SV2C: variants seen among roughly 807,000 people sequenced by gnomAD.
SV2C encodes synaptic vesicle glycoprotein 2C, also known as solute carrier family 22 member B3.
SV2C carries 49 observed loss-of-function variants against 79.7 expected under a neutral mutation model. The ratio of observed to expected loss-of-function variants is 0.61; its 90% CI spans 0.49 to 0.78. SV2C has a LOEUF of 0.78. Ranked by LOEUF, SV2C falls within the 30% of genes least tolerant of loss-of-function variation. The pLI is 0.00. For synonymous variants in SV2C, 334 were observed against 333.2 expected, an observed-to-expected ratio of 1.00 and a Z score of -0.03; for missense variants, 833 against 912.9, an observed-to-expected ratio of 0.91 and a Z score of 1.13.
chr5:76,070,055 C>T, the SV2C span, among the ~76,000 whole-genome samples: 8 of 152,248 alleles, frequency 5.3e-5, no homozygotes, highest in South Asian at 1.7e-3. Context: ...TCATCTTCCA[C>T]AGTCTGCAGC....
chr5:76,221,406 T>C (rs1249471488), intron 4 of SV2C, among the ~76,000 whole-genome samples: 1 of 152,190 alleles, frequency 6.6e-6, no homozygotes, highest in Non-Finnish European at 1.5e-5. Flanking sequence ...AAGGGGCTTT[T>C]AATATTGTTA....
chr5:76,175,920 G>C (rs868742355), intron 2 of SV2C, among the ~76,000 whole-genome samples: 3 of 152,246 alleles, frequency 2.0e-5, no homozygotes, highest in Middle Eastern at 3.4e-3. Context: ...TCTCCGCATG[G>C]GGATGGGTCA....
At chr5:76,051,551 CTA>C in the SV2C span, among the ~76,000 whole-genome samples, 1 of 152,094 alleles carries the variant, frequency 6.6e-6, no homozygotes, top group Non-Finnish European at 1.5e-5. Flanking sequence ...TTAAATACAA[CTA>C]TGAAAAATAA....
rs1744010267 is a variant in SV2C at position 76,188,939 on chromosome 5, AAGC to A, written c.581-5979_581-5977del. Among the ~76,000 whole-genome samples, 3 of 151,742 alleles carry A rather than the reference AAGC, an allele frequency of 2.0e-5. No homozygotes were observed. In the South Asian group the frequency reaches 6.3e-4, roughly 32 times the overall value. On this transcript the variant is annotated intron_variant, in intron 2 of 12. Transcript: ENST00000502798. ...AGGGACAACAGGGCAGCAGCTGTGAAAGCTTACACCTCAGTGATTAGGTGGGGA... is the reference window on the plus strand; with the variant it reads ...AGGGACAACAGGGCAGCAGCTGTGAATTACACCTCAGTGATTAGGTGGGGA...
In SV2C at chr5:76,205,379, G is replaced by A. The variant is rs1461430530; in HGVS notation, c.762-4357G>A. 2.0e-5 allele frequency among the ~76,000 whole-genome samples: 3 copies of A among 151,998 alleles called. No homozygotes were observed. The East Asian group carries it at 5.8e-4, about 29-fold the overall frequency. On this transcript the variant is annotated intron_variant, in intron 3 of 12. Coordinates refer to ENST00000502798, the MANE Select transcript of SV2C (RefSeq NM_014979.4). ...TCATTTGTATAAATTAAGTTATTTT[G>A]AATCTGGCTAATCTCACACCTACGT...
chr5:75,928,456 C>T, the SV2C span, among the ~76,000 whole-genome samples: 1 of 152,154 alleles, frequency 6.6e-6, no homozygotes, highest in Non-Finnish European at 1.5e-5. Flanking sequence ...TCATGGTAAA[C>T]ACATGTAGGT....
chr5:76,279,973 A>G (rs76092041), intron 4 of SV2C, among the ~76,000 whole-genome samples: 1 of 152,132 alleles, frequency 6.6e-6, no homozygotes. Context: ...GTTGTAATCA[A>G]AGAGAAGACA....
At chr5:76,241,768 G>A (rs1244953108) in intron 4 of SV2C, among the ~76,000 whole-genome samples, 1 of 152,162 alleles carries the variant, frequency 6.6e-6, no homozygotes, top group Non-Finnish European at 1.5e-5. Context: ...CCTCCTGGAA[G>A]CCAAGAGGAA....
chr5:75,900,890 T>C, the SV2C span, among the ~76,000 whole-genome samples: 1 of 152,262 alleles, frequency 6.6e-6, no homozygotes, highest in African/African-American at 2.4e-5. Context: ...CTCCCGAGGC[T>C]TCTGCATTCT....
chr5:76,203,003 A>G (rs1442867798), intron 3 of SV2C, among the ~76,000 whole-genome samples: 1 of 152,226 alleles, frequency 6.6e-6, no homozygotes, highest in African/African-American at 2.4e-5. Flanking sequence ...TACGTGGCTC[A>G]CATTTTCTAT....
the SV2C span, among the ~76,000 whole-genome samples, chr5:75,937,718 AAAAAC>A: frequency 2.0e-4 from 31 of 152,190 alleles, no homozygotes; most frequent in Middle Eastern, 3.4e-3. Flanking sequence ...AAAGAAACAA[AAAAAC>A]AAAACAAAAC....
At chr5:76,036,384 G>C in the SV2C span, among the ~76,000 whole-genome samples, 1 of 152,066 alleles carries the variant, frequency 6.6e-6, no homozygotes, top group African/African-American at 2.4e-5. Flanking sequence ...AGCTGGTACT[G>C]GTTTTTCCCT....
chr5:76,237,978 A>T (rs35492009), intron 4 of SV2C, among the ~76,000 whole-genome samples: 17,834 of 150,340 alleles, frequency 0.12, 3,087 homozygotes, highest in African/African-American at 0.38. Flanking sequence ...TAACACACAC[A>T]CACACACACA....
At chr5:76,238,891 G>C (rs1474239548) in intron 4 of SV2C, among the ~76,000 whole-genome samples, 1 of 152,134 alleles carries the variant, frequency 6.6e-6, no homozygotes, top group Non-Finnish European at 1.5e-5. Flanking sequence ...ATTTACCCAA[G>C]TCCAGACTAT....
chr5:76,339,510 C>G (rs1049009232), intron 12 of SV2C, among the ~76,000 whole-genome samples: 15 of 152,088 alleles, frequency 9.9e-5, no homozygotes, highest in Non-Finnish European at 1.8e-4. Flanking sequence ...GTCAGGAGAT[C>G]GAGACCATCC....
the SV2C span, among the ~76,000 whole-genome samples, chr5:75,859,515 T>G: frequency 6.6e-6 from 1 of 152,182 alleles, no homozygotes; most frequent in South Asian, 2.1e-4. Context: ...ACTATCTCTC[T>G]TTGTTAATGT....
chr5:76,250,194 G>A lies in SV2C; in HGVS notation c.914-34968G>A, dbSNP rs6862659. ...GTCATTCTGGCTGTTCTTTTATTGC[G>A]CGTCCTGCTTTTTTTAAAATATGAT... On this transcript the variant is annotated intron_variant, in intron 4 of 12. Coordinates refer to ENST00000502798, the MANE Select transcript of SV2C (RefSeq NM_014979.4). 3.2e-3 allele frequency among the ~76,000 whole-genome samples: 445 copies of A among 139,770 alleles called. 4 individuals carry two copies. The highest frequency in any genetic ancestry group is 0.01 in the African/African-American group (416 of 40,142). 91.7% of individuals were successfully genotyped at this position (139,770 alleles called of 152,430 possible). A position where few individuals can be genotyped will look rare whatever the true frequency, so the allele number is the denominator to read the frequency against.
intron 2 of SV2C, among the ~76,000 whole-genome samples, chr5:76,170,704 G>C (rs1426101277): frequency 6.7e-6 from 1 of 149,944 alleles, no homozygotes; most frequent in Non-Finnish European, 1.5e-5. Flanking sequence ...ACATTATACT[G>C]AAAGGACTAT....
At chr5:75,860,962 A>G in the SV2C span, among the ~76,000 whole-genome samples, 2 of 152,190 alleles carry the variant, frequency 1.3e-5, no homozygotes, top group African/African-American at 4.8e-5. Flanking sequence ...TTTAAATGTA[A>G]GACTTCAAAC....
Sources: gnomAD v4.1 joint callset for allele counts (sites outside exome capture counted in the v4.1 genomes callset) on GRCh38, gnomAD v4.1.1 for gene constraint, MANE v1.5 for transcripts, NCBI Gene and HGNC (gene_info 2026-07-23, HGNC 2026-07-21) for gene names.